The following CECR2 variants were observed in gnomAD, a reference collection of about 807,000 sequenced individuals.
The protein encoded by CECR2 is chromatin remodeling regulator CECR2.
A neutral mutation model predicts 154.5 loss-of-function variants in CECR2; 30 were observed. That is an observed-to-expected ratio of 0.19 (90% CI 0.15 to 0.26). The LOEUF is 0.26. CECR2 is among the 10% of genes least tolerant of loss of function. CECR2 has a pLI of 1.00. For synonymous variants in CECR2, 725 were observed against 683.7 expected (o/e 1.06, Z -0.94); for missense variants, 1,743 against 1,829.3 (o/e 0.95, Z 0.86).
intron 1 of CECR2, among the ~76,000 whole-genome samples, chr22:17,405,360 C>T (rs1294511731): frequency 1.4e-5 from 2 of 147,840 alleles, no homozygotes; most frequent in East Asian, 2.0e-4. Flanking sequence ...TGCAGTGAGC[C>T]GAGATTGCGC....
At chr22:17,451,758 A>G (rs563553046) in intron 1 of CECR2, among the ~76,000 whole-genome samples, 52 of 152,320 alleles carry the variant, frequency 3.4e-4, no homozygotes, top group African/African-American at 1.2e-3. Flanking sequence ...TACCCAAATT[A>G]TTTGCATTAA....
chr22:17,538,001 A>G (rs1271774878), intron 10 of CECR2, among the ~76,000 whole-genome samples: 1 of 151,958 alleles, frequency 6.6e-6, no homozygotes, highest in Non-Finnish European at 1.5e-5. Flanking sequence ...CCAAAAAAAA[A>G]AAAAAAAGAT....
At chr22:17,480,331 C>A (rs1185316235) in intron 2 of CECR2, among the ~76,000 whole-genome samples, 1 of 151,678 alleles carries the variant, frequency 6.6e-6, no homozygotes, top group African/African-American at 2.4e-5. Flanking sequence ...CAAACCACTA[C>A]TGGTGTGTTT....
At chr22:17,409,137 T>C (rs2054030814) in intron 1 of CECR2, among the ~76,000 whole-genome samples, 2 of 152,084 alleles carry the variant, frequency 1.3e-5, no homozygotes, top group African/African-American at 2.4e-5. Flanking sequence ...TTTTTTTGTT[T>C]GTTTGTTTGT....
intron 1 of CECR2, among the ~76,000 whole-genome samples, chr22:17,371,538 C>G (rs1408582471): frequency 6.6e-6 from 1 of 152,176 alleles, no homozygotes; most frequent in Non-Finnish European, 1.5e-5. Context: ...TCCTAAAGGT[C>G]AAAGGATGTT....
At chr22:17,404,361 G>GTT (rs1555944378) in intron 1 of CECR2, among the ~76,000 whole-genome samples, 3 of 74,806 alleles carry the variant, frequency 4.0e-5, no homozygotes, top group African/African-American at 1.2e-4. Flanking sequence ...TCTGGACCCT[G>GTT]TTCTTTCTTT....
chr22:17,381,932 G>C (rs1056093107), intron 1 of CECR2, among the ~76,000 whole-genome samples: 1 of 151,482 alleles, frequency 6.6e-6, no homozygotes, highest in Admixed American at 6.6e-5. Flanking sequence ...CTGTCACCCA[G>C]GCTGGAGTGC....
At chr22:17,450,022 T>C (rs1159696770) in intron 1 of CECR2, among the ~76,000 whole-genome samples, 1 of 152,206 alleles carries the variant, frequency 6.6e-6, no homozygotes, top group African/African-American at 2.4e-5. Flanking sequence ...ATGAGTAAAC[T>C]GATGGTATCC....
intron 9 of CECR2, among the ~76,000 whole-genome samples, chr22:17,533,091 G>A (rs965012053): frequency 1.4e-4 from 21 of 148,024 alleles, no homozygotes; most frequent in Non-Finnish European, 2.8e-4. Context: ...GCCGAGGCGG[G>A]CAGATCACGA....
At chr22:17,412,915 T>C (rs1259726787) in intron 1 of CECR2, among the ~76,000 whole-genome samples, 1 of 152,174 alleles carries the variant, frequency 6.6e-6, no homozygotes, top group Non-Finnish European at 1.5e-5. Context: ...AAGACGATGC[T>C]GCTTTTTTTG....
At chr22:17,520,619 C>G (rs1261029116) in intron 8 of CECR2, among the ~76,000 whole-genome samples, 3 of 152,122 alleles carry the variant, frequency 2.0e-5, no homozygotes, top group Non-Finnish European at 2.9e-5. Flanking sequence ...GTTCCCCGCC[C>G]TGTGCCCAAG....
chr22:17,527,201 T>C (rs943763612), intron 9 of CECR2, among the ~76,000 whole-genome samples: 3 of 152,258 alleles, frequency 2.0e-5, no homozygotes, highest in Admixed American at 6.5e-5. Context: ...GTCATGCTTG[T>C]AAGCTCAGCA....
rs192071573 is a variant in CECR2 at position 17,550,701 on chromosome 22, G to A, written c.4277+1137G>A. ...CTCACACCTGTAATCCCAGCACTTCGGGAGGCCGAGGCGGGCAGATCACGA... is the reference window on the plus strand; with the variant it reads ...CTCACACCTGTAATCCCAGCACTTCAGGAGGCCGAGGCGGGCAGATCACGA... On this transcript the variant is annotated intron_variant, in intron 17 of 18. Transcript: ENST00000262608. Among the ~76,000 whole-genome samples, 587 of 152,288 alleles carry A rather than the reference G, an allele frequency of 3.9e-3. 4 individuals are homozygous for A. Among genetic ancestry groups the A allele is most frequent in the African/African-American group, 0.013 (540 of 41,546 alleles).
At position 17,531,421 on chromosome 22, in the gene CECR2, G is replaced by A. The variant is rs532051240; in HGVS notation, c.1109-5682G>A. On this transcript the variant is annotated intron_variant, in intron 9 of 18. Coordinates refer to ENST00000262608, the MANE Select transcript of CECR2 (RefSeq NM_001290047.2). Reference sequence around the variant, plus strand: ...CGCTGTCTTCCTCAGCGTGCCTCCCGTGGTCCCTCTGATGCTCCCTTTGGT... The same window carrying A: ...CGCTGTCTTCCTCAGCGTGCCTCCCATGGTCCCTCTGATGCTCCCTTTGGT... 2.0e-5 allele frequency among the ~76,000 whole-genome samples: 3 copies of A among 152,330 alleles called. No homozygotes were observed. In the East Asian group the frequency reaches 5.8e-4, roughly 29 times the overall value.
Position 17,429,561 on chromosome 22 carries a change from G to C in CECR2, c.127-48027G>C, listed in dbSNP as rs376842966. ...TACCAAAAACAAAAACAAAAACAAA[G>C]AAAAGAAAAGAAAAAAGAGATCTCA... On this transcript the variant is annotated intron_variant, in intron 1 of 18. Transcript: ENST00000262608. 5.1e-3 allele frequency among the ~76,000 whole-genome samples: 556 copies of C among 108,916 alleles called. 11 individuals carry two copies. Among genetic ancestry groups the C allele is most frequent in the African/African-American group, 0.02 (501 of 24,876 alleles). The allele number at this position is 108,916 out of a possible 152,430, so 71.5% of individuals were successfully genotyped here.
intron 2 of CECR2, among the ~76,000 whole-genome samples, chr22:17,481,126 G>A (rs1188621254): frequency 4.7e-5 from 7 of 149,622 alleles, no homozygotes; most frequent in Non-Finnish European, 1.0e-4. Context: ...GGCAGATCAC[G>A]AGGTCAGGAA....
At chr22:17,392,467 G>GT (rs1569051478) in intron 1 of CECR2, among the ~76,000 whole-genome samples, 5 of 152,060 alleles carry the variant, frequency 3.3e-5, no homozygotes, top group African/African-American at 4.8e-5. Context: ...CAGCCTGGGC[G>GT]ACAGTGAGAC....
chr22:17,479,765 C>CTTTTTTTTTTT (rs571664926), intron 2 of CECR2, among the ~76,000 whole-genome samples: 1 of 117,094 alleles, frequency 8.5e-6, no homozygotes, highest in African/African-American at 3.2e-5. Flanking sequence ...TGTGGTCTTT[C>CTTTTTTTTTTT]TTTTTTTTTT....
rs4819450 is a variant in CECR2 at position 17,399,187 on chromosome 22, C to T, written c.126+29278C>T. Among the ~76,000 whole-genome samples the T allele has an allele frequency of 7.8e-3, 1,189 of 152,278 alleles. 52 individuals carry two copies. In the East Asian group the frequency reaches 0.13, roughly 16 times the overall value. ...CTCATTAATGGTATAGTAAAAGGCT[C>T]AGGAGGTGGGACGCCAGATGCCCAT... On this transcript the variant is annotated intron_variant, in intron 1 of 18. Coordinates refer to ENST00000262608, the MANE Select transcript of CECR2 (RefSeq NM_001290047.2).
Sources: gnomAD v4.1 joint callset for allele counts (sites outside exome capture counted in the v4.1 genomes callset) on GRCh38, gnomAD v4.1.1 for gene constraint, MANE v1.5 for transcripts, NCBI Gene and HGNC (gene_info 2026-07-23, HGNC 2026-07-21) for gene names.